Variants in LATS2 observed in about 807,000 individuals in gnomAD.
LATS2 encodes serine/threonine-protein kinase LATS2.
In LATS2, 24 loss-of-function variants were observed where a neutral mutation model predicts 76.0. The observed-to-expected ratio is 0.32, with a 90% CI of 0.23 to 0.44. The LOEUF (loss-of-function observed/expected upper bound fraction) is 0.44, where lower values mean the gene tolerates loss of function less well. LATS2 is among the 20% of genes least tolerant of loss of function. The probability of loss-of-function intolerance (pLI) is 1.00; values close to 1 mark genes in which losing one functional copy is unlikely to be tolerated. For missense variants in LATS2, 1,286 were observed against 1,481.2 expected (o/e 0.87, Z 2.16); for synonymous variants, 692 against 635.4 (o/e 1.09, Z -1.34).
At chr13:20,997,825 C>A (rs1870826459) in intron 2 of LATS2, among the ~76,000 whole-genome samples, 1 of 152,126 alleles carries the variant, frequency 6.6e-6, no homozygotes, top group Non-Finnish European at 1.5e-5. Flanking sequence ...CGTGCATTGC[C>A]ATGTGAATGC....
intron 1 of LATS2, among the ~76,000 whole-genome samples, chr13:21,058,116 G>A (rs1595262150): frequency 1.3e-5 from 2 of 152,210 alleles, no homozygotes; most frequent in East Asian, 3.8e-4. Flanking sequence ...CTTCAATCAA[G>A]CCTTACCCTT....
At position 20,973,555 on chromosome 13, in the gene LATS2, T is replaced by C. The variant is rs891580139; in HGVS notation, c.*1315A>G. 4.3e-6 allele frequency: 1 copy of C among 232,636 alleles called. No individual in the cohort carries two copies. Among genetic ancestry groups the C allele is most frequent in the African/African-American group, 2.2e-5 (1 of 45,290 alleles). The allele number at this position is 232,636 out of a possible 1,614,324, so 14.4% of individuals were successfully genotyped here. On this transcript the variant is annotated 3_prime_UTR_variant, in exon 8 of 8. Transcript: ENST00000382592. ...GTGTGTATACACGCACATACATCTA[T>C]ACTTCTAAGAAAATACGTATGGCTT...
chr13:21,048,185 C>T (rs1873138712), intron 1 of LATS2, among the ~76,000 whole-genome samples: 1 of 152,158 alleles, frequency 6.6e-6, no homozygotes, highest in Non-Finnish European at 1.5e-5. Context: ...AAATACCTAA[C>T]TTTGTAAAAC....
intron 1 of LATS2, among the ~76,000 whole-genome samples, chr13:21,053,746 G>T (rs1316697927): frequency 6.6e-6 from 1 of 152,188 alleles, no homozygotes; most frequent in African/African-American, 2.4e-5. Flanking sequence ...CTATAAAAAG[G>T]AAGGAAATCC....
In LATS2 at chr13:20,983,698, T is replaced by C; in HGVS notation, c.2008A>G (p.Lys670Glu). The C allele has an allele frequency of 6.2e-7, 1 of 1,614,180 alleles. No homozygotes were observed. The change falls in exon 5 of 8, where the codon AAG becomes GAG. Residue 670 changes from lysine to glutamate, a missense_variant. Lys to Glu is a moderately conservative substitution (Grantham distance 56). Transcript: ENST00000382592. ...GCACCGATCCCCAGGGTTTTGATCT[T>C]GACAAACATAGACTTGTCCATCTTG... The part of the protein sequence containing the change: ...RAKMDKSMFV[K>E]IKTLGIGAFG...
At chr13:20,998,013 C>G (rs528818757) in intron 2 of LATS2, among the ~76,000 whole-genome samples, 1 of 152,154 alleles carries the variant, frequency 6.6e-6, no homozygotes, top group East Asian at 1.9e-4. Flanking sequence ...ACGGAGCACT[C>G]TGGCCCTATC....
chr13:20,974,592 T>C lies in LATS2; in HGVS notation c.*278A>G, dbSNP rs750159534. The C allele has an allele frequency of 5.9e-5, 21 of 355,034 alleles. No homozygotes were observed. The highest frequency in any genetic ancestry group is 2.2e-4 in the South Asian group (3 of 13,524). 22.0% of individuals were successfully genotyped at this position (355,034 alleles called of 1,614,324 possible). On this transcript the variant is annotated 3_prime_UTR_variant, in exon 8 of 8. Coordinates refer to ENST00000382592, the MANE Select transcript of LATS2 (RefSeq NM_014572.3). ...ATAATTTAGTAAGAAAAAATGGATA[T>C]AAACAAAATAAGTGCTCTTTCTAAA...
chr13:21,052,342 A>T (rs1873298404), intron 1 of LATS2, among the ~76,000 whole-genome samples: 1 of 151,984 alleles, frequency 6.6e-6, no homozygotes, highest in African/African-American at 2.4e-5. Flanking sequence ...GCTCCAAGTG[A>T]CTCCTCTTTA....
chr13:21,047,208 C>A (rs940973888), intron 1 of LATS2, among the ~76,000 whole-genome samples: 1 of 152,224 alleles, frequency 6.6e-6, no homozygotes, highest in Non-Finnish European at 1.5e-5. Flanking sequence ...GCAGCCAGCA[C>A]AGGTCACTTG....
chr13:20,982,468 G>A (rs9552316), intron 5 of LATS2, among the ~76,000 whole-genome samples: 11,512 of 152,138 alleles, frequency 0.076, 897 homozygotes, highest in East Asian at 0.4. Flanking sequence ...GCATCACCAC[G>A]CCCGGCTAAT....
At chr13:21,008,110 A>T (rs1871431844) in intron 2 of LATS2, among the ~76,000 whole-genome samples, 1 of 152,002 alleles carries the variant, frequency 6.6e-6, no homozygotes, top group Non-Finnish European at 1.5e-5. Context: ...GGAGCCAGGT[A>T]TGAGGGCAGA....
intron 2 of LATS2, among the ~76,000 whole-genome samples, chr13:21,019,973 T>TAA (rs528686392): frequency 0.027 from 2,991 of 112,106 alleles, 49 homozygotes; most frequent in East Asian, 0.064. Context: ...AGACTCCATC[T>TAA]AAAAAAAAAA....
At chr13:21,049,880 G>A (rs1469478925) in intron 1 of LATS2, among the ~76,000 whole-genome samples, 5 of 152,076 alleles carry the variant, frequency 3.3e-5, no homozygotes, top group Admixed American at 6.6e-5. Context: ...CAGCTCTTTC[G>A]GATGCCGAGG....
chr13:21,024,602 G>GACGGTCATC (rs1255563144), intron 2 of LATS2, among the ~76,000 whole-genome samples: 5 of 150,534 alleles, frequency 3.3e-5, no homozygotes. Flanking sequence ...ATCTCACTTT[G>GACGGTCATC]ACGGTCATCA....
chr13:21,013,372 A>G (rs987912306), intron 2 of LATS2, among the ~76,000 whole-genome samples: 1 of 152,228 alleles, frequency 6.6e-6, no homozygotes, highest in African/African-American at 2.4e-5. Flanking sequence ...ACTAATGTGC[A>G]TGAGGGAATA....
chr13:20,988,359 G>GCGGGGGC lies in LATS2; in HGVS notation c.1414_1420dup (p.Ala474GlyfsTer99). On this transcript the variant is annotated frameshift_variant, in exon 4 of 8. Coordinates refer to ENST00000382592, the MANE Select transcript of LATS2 (RefSeq NM_014572.3). LOFTEE classifies it high-confidence loss of function. Reference sequence around the variant, plus strand: ...CTCCGCAGCCGGGGCGGGGGCGGGGGCGGGGGCCGGGGCAGGCGCGGGCAC... The same window carrying GCGGGGGC: ...CTCCGCAGCCGGGGCGGGGGCGGGGGCGGGGGCCGGGGGCCGGGGCAGGCGCGGGCAC... 1 of 1,371,716 alleles carries GCGGGGGC rather than the reference G, an allele frequency of 7.3e-7. No individual in the cohort carries two copies. The highest frequency in any genetic ancestry group is 1.7e-5 in the South Asian group (1 of 59,426). 85.0% of individuals were successfully genotyped at this position (1,371,716 alleles called of 1,614,324 possible). A position where few individuals can be genotyped will look rare whatever the true frequency, so the allele number is the denominator to read the frequency against.
chr13:20,999,211 G>C (rs907869331), intron 2 of LATS2, among the ~76,000 whole-genome samples: 1 of 152,258 alleles, frequency 6.6e-6, no homozygotes, highest in African/African-American at 2.4e-5. Context: ...GCCACCTTGC[G>C]CGGATGCAGC....
intron 2 of LATS2, among the ~76,000 whole-genome samples, chr13:20,992,258 G>A (rs9579996): frequency 0.087 from 13,302 of 152,258 alleles, 852 homozygotes; most frequent in South Asian, 0.17. Flanking sequence ...GGTAGGTGGA[G>A]ATGGGGGGAT....
At chr13:21,026,549 A>G (rs1347583173) in intron 2 of LATS2, among the ~76,000 whole-genome samples, 1 of 152,236 alleles carries the variant, frequency 6.6e-6, no homozygotes, top group Non-Finnish European at 1.5e-5. Context: ...TGCTATTACA[A>G]ATAAAACTAC....
Sources: gnomAD v4.1 joint callset for allele counts (sites outside exome capture counted in the v4.1 genomes callset) on GRCh38, gnomAD v4.1.1 for gene constraint, MANE v1.5 for transcripts, NCBI Gene and HGNC (gene_info 2026-07-23, HGNC 2026-07-21) for gene names.